The following CBX7 variants were observed in gnomAD, a reference collection of about 807,000 sequenced individuals.
CBX7 encodes the protein chromobox 7, also known as chromobox protein homolog 7.
In CBX7, 14 loss-of-function variants were observed where a neutral mutation model predicts 31.4. The ratio of observed to expected loss-of-function variants is 0.45; its 90% confidence interval spans 0.29 to 0.70. The LOEUF (loss-of-function observed/expected upper bound fraction) is 0.70. Among genes scored for constraint, CBX7 ranks in the 30% least tolerant of loss-of-function variants. CBX7 has a pLI of 0.11. For missense variants in CBX7, 269 were observed against 351.9 expected (o/e 0.76, Z 1.89); for synonymous variants, 159 against 152.6 (o/e 1.04, Z -0.31).
Position 39,134,042 on chromosome 22 carries a change from G to T in CBX7, c.605C>A (p.Ala202Asp). Residue 202 changes from alanine to aspartate, a missense_variant, in exon 6 of 6, where the codon GCC becomes GAC. Coordinates refer to ENST00000216133, the MANE Select transcript of CBX7 (RefSeq NM_175709.5). ...AAQPPEEEADADLAEGPPPWT... is the reference protein window; with the variant it reads ...AAQPPEEEADDDLAEGPPPWT... The stretch of plus-strand genomic sequence containing the variant: ...GGGAGGGGGCCCCTCGGCCAGGTCG[G>T]CATCTGCTGCAGCGTCAGACACACA... 1 of 1,598,534 alleles carries T rather than the reference G, an allele frequency of 6.3e-7. No homozygotes were observed. The highest frequency in any genetic ancestry group is 8.5e-7 in the Non-Finnish European group (1 of 1,170,530).
At chr22:39,138,825 C>T in intron 3 of CBX7, 123 bp from the exon 4 acceptor site, 2 of 844,318 alleles carry the variant, frequency 2.4e-6, no homozygotes, top group Middle Eastern at 2.2e-4. Flanking sequence ...ACAGGCCTGC[C>T]CACCAATCCT....
At chr22:39,143,998 C>G (rs1437240295) in intron 2 of CBX7, among the ~76,000 whole-genome samples, 1 of 152,208 alleles carries the variant, frequency 6.6e-6, no homozygotes, top group Non-Finnish European at 1.5e-5. Context: ...AGAGGCTCTG[C>G]TAGGTAAGAC....
intron 2 of CBX7, among the ~76,000 whole-genome samples, chr22:39,143,164 G>A (rs2146363055): frequency 6.6e-6 from 1 of 152,228 alleles, no homozygotes; most frequent in African/African-American, 2.4e-5. Context: ...TGAGGTGGGA[G>A]AATCGCTTGA....
At chr22:39,151,103 C>T (rs778782589) in intron 1 of CBX7, among the ~76,000 whole-genome samples, 5 of 152,202 alleles carry the variant, frequency 3.3e-5, no homozygotes, top group Non-Finnish European at 5.9e-5. Context: ...ATGATGATCT[C>T]GCCCTCTTGT....
At chr22:39,140,079 A>G (rs917104202) in intron 3 of CBX7, among the ~76,000 whole-genome samples, 4 of 152,076 alleles carry the variant, frequency 2.6e-5, no homozygotes, top group Admixed American at 2.6e-4. Flanking sequence ...TTCCATCCAC[A>G]CTCTCTGCAG....
In CBX7 at chr22:39,152,374, A is replaced by G; in HGVS notation, c.69+2T>C. On this transcript the variant is annotated splice_donor_variant, in intron 1 of 5. Coordinates refer to ENST00000216133, the MANE Select transcript of CBX7 (RefSeq NM_175709.5). LOFTEE classifies it high-confidence loss of function. This position sits in a 1 kb window ranked among gnomAD's most constrained non-coding sequence, Gnocchi z 4.9. ...CTGGGAGCCGCCCCCGGGCAGCCTCACCTTCCGCACGCGCTTCTTCCGGAT... is the reference window on the plus strand; with the variant it reads ...CTGGGAGCCGCCCCCGGGCAGCCTCGCCTTCCGCACGCGCTTCTTCCGGAT... 1 of 1,394,770 alleles carries G rather than the reference A, an allele frequency of 7.2e-7. No homozygotes were observed. The allele number at this position is 1,394,770 out of a possible 1,614,324, so 86.4% of individuals were successfully genotyped here.
At chr22:39,137,349 G>C in intron 4 of CBX7, among the ~76,000 whole-genome samples, 1 of 139,176 alleles carries the variant, frequency 7.2e-6, no homozygotes, top group Non-Finnish European at 1.6e-5. Context: ...TGTTGGGGTG[G>C]GGGGGCGGGG....
rs1358462815 is a variant in CBX7 at position 39,132,460 on chromosome 22, C to G, written c.*1431G>C. The G allele has an allele frequency of 1.3e-5, 2 of 152,412 alleles. No individual in the cohort carries two copies. The highest frequency in any genetic ancestry group is 1.3e-4 in the Admixed American group (2 of 15,286). 9.4% of individuals were successfully genotyped at this position (152,412 alleles called of 1,614,324 possible). ...ATCTGGTTTTGTCTCCCCTACAGGA[C>G]TGGAAGAGAGGGAGAAGTCACTCCT... On this transcript the variant is annotated 3_prime_UTR_variant, in exon 6 of 6. Transcript: ENST00000216133.
At chr22:39,142,289 GTTCCTC>G (rs1930487426) in intron 2 of CBX7, among the ~76,000 whole-genome samples, 11 of 152,168 alleles carry the variant, frequency 7.2e-5, no homozygotes, top group Admixed American at 7.2e-4. Context: ...TGCTGTTGCT[GTTCCTC>G]CCCGCCCTCC....
chr22:39,147,589 G>C (rs1355785486), intron 2 of CBX7: 1 of 150,042 alleles, frequency 6.7e-6, no homozygotes, highest in South Asian at 2.1e-4. Context: ...GGGGAAGACA[G>C]AGCTGGCTCC....
In CBX7 at chr22:39,134,731, G is replaced by A. The variant is rs1462926491; in HGVS notation, c.268C>T (p.Arg90Trp). 4 of 1,554,240 alleles carry A rather than the reference G, an allele frequency of 2.6e-6. No individual in the cohort carries two copies. Among genetic ancestry groups the A allele is most frequent in the South Asian group, 1.2e-5 (1 of 85,298 alleles). The change falls in exon 5 of 6, where the codon CGG becomes TGG. Residue 90 changes from arginine to tryptophan, a missense_variant. Physicochemically the swap from Arg to Trp is moderately radical, Grantham distance 101 (BLOSUM62 -3). Coordinates refer to ENST00000216133, the MANE Select transcript of CBX7 (RefSeq NM_175709.5). ...TTGCCCTTGGCCTTGTGGGAGCTCCGCAGGTCCATGCTGTACAGCCGCTGC... is the reference window on the plus strand; with the variant it reads ...TTGCCCTTGGCCTTGTGGGAGCTCCACAGGTCCATGCTGTACAGCCGCTGC... The part of the protein sequence containing the change: ...LLQRLYSMDL[R>W]SSHKAKGKEK...
At position 39,131,553 on chromosome 22, in the gene CBX7, C is replaced by G. The variant is rs1205760027; in HGVS notation, c.*2338G>C. 1 of 152,524 alleles carries G rather than the reference C, an allele frequency of 6.6e-6. No individual in the cohort carries two copies. Among genetic ancestry groups the G allele is most frequent in the Non-Finnish European group, 1.5e-5 (1 of 68,154 alleles). The allele number at this position is 152,524 out of a possible 1,614,324, so 9.4% of individuals were successfully genotyped here. A position where few individuals can be genotyped will look rare whatever the true frequency, so the allele number is the denominator to read the frequency against. The stretch of plus-strand genomic sequence containing the variant: ...ACAGCCCATGAGCCACCTGGCTGCC[C>G]TGAGCTGGGCACCTCAGGCCCACCC... On this transcript the variant is annotated 3_prime_UTR_variant, in exon 6 of 6. Transcript: ENST00000216133.
chr22:39,148,134 G>C (rs1930725908), intron 2 of CBX7: 1 of 152,308 alleles, frequency 6.6e-6, no homozygotes, highest in Non-Finnish European at 1.5e-5. Flanking sequence ...AAAGTGGAGG[G>C]GGGTGAGAAG....
intron 2 of CBX7, chr22:39,149,498 G>C (rs1299570299): frequency 4.0e-6 from 2 of 502,238 alleles, no homozygotes; most frequent in Non-Finnish European, 7.2e-6. Flanking sequence ...CCTCCCAGTT[G>C]CCAAGAAAAG....
In CBX7 at chr22:39,134,081, T is replaced by C. The variant is rs369375717; in HGVS notation, c.599-33A>G. 59 of 1,563,142 alleles carry C rather than the reference T, an allele frequency of 3.8e-5. No homozygotes were observed. In the South Asian group the frequency reaches 5.0e-4, roughly 13 times the overall value. ...GTCAGACACACAGATGGGGGCAGCG[T>C]TGACAAGGTGGGAAGCCATGCAGAC... On this transcript the variant is annotated intron_variant, in intron 5 of 5. Coordinates refer to ENST00000216133, the MANE Select transcript of CBX7 (RefSeq NM_175709.5).
chr22:39,149,471 C>T (rs1368121161), intron 2 of CBX7: 20 of 466,728 alleles, frequency 4.3e-5, no homozygotes, highest in African/African-American at 1.4e-4. Context: ...TCCAGTAGCC[C>T]GGATGCTGGG....
In CBX7 at chr22:39,132,372, G is replaced by C. The variant is rs1377034580; in HGVS notation, c.*1519C>G. 1 of 152,294 alleles carries C rather than the reference G, an allele frequency of 6.6e-6. No individual in the cohort carries two copies. The highest frequency in any genetic ancestry group is 1.9e-4 in the East Asian group (1 of 5,196). 9.4% of individuals were successfully genotyped at this position (152,294 alleles called of 1,614,324 possible). ...CTCCACTCTTGGTGTGTGTTACCCT[G>C]ACTCTGACAGCCAAGGAAAGACAGG... On this transcript the variant is annotated 3_prime_UTR_variant, in exon 6 of 6. Coordinates refer to ENST00000216133, the MANE Select transcript of CBX7 (RefSeq NM_175709.5).
At chr22:39,143,146 C>T (rs769042689) in intron 2 of CBX7, among the ~76,000 whole-genome samples, 2 of 152,008 alleles carry the variant, frequency 1.3e-5, no homozygotes, top group East Asian at 1.9e-4. Flanking sequence ...CCCAGCTACT[C>T]GGGAGGCTGA....
At chr22:39,150,515 T>C (rs1930813346) in intron 1 of CBX7, among the ~76,000 whole-genome samples, 1 of 152,076 alleles carries the variant, frequency 6.6e-6, no homozygotes, top group Non-Finnish European at 1.5e-5. Flanking sequence ...AAGCCTGTCA[T>C]CCCAACACTT....
Sources: allele counts gnomAD v4.1 joint callset (sites outside exome capture counted in the v4.1 genomes callset), GRCh38; gene constraint gnomAD v4.1.1; non-coding constraint Gnocchi (gnomAD v3.1); transcripts MANE v1.5; gene names NCBI Gene and HGNC (gene_info 2026-07-23, HGNC 2026-07-21).